The following HIVEP1 variants were observed in gnomAD, a reference collection of about 807,000 sequenced individuals.
HIVEP1 encodes zinc finger protein 40.
In HIVEP1, 36 loss-of-function variants were observed where a neutral mutation model predicts 180.0. The ratio of observed to expected loss-of-function variants is 0.20; its 90% confidence interval spans 0.15 to 0.26. HIVEP1 has a LOEUF of 0.26. Among genes scored for constraint, HIVEP1 ranks in the 10% least tolerant of loss-of-function variants. The pLI, the probability that HIVEP1 is intolerant of heterozygous loss-of-function variation, is 1.00. For synonymous variants in HIVEP1, 1,239 were observed against 1,239.0 expected (o/e 1.00, Z 0.00); for missense variants, 3,143 against 3,268.7 (o/e 0.96, Z 0.94).
intron 2 of HIVEP1, among the ~76,000 whole-genome samples, chr6:12,032,482 G>A (rs950657546): frequency 6.6e-6 from 1 of 152,078 alleles, no homozygotes; most frequent in Non-Finnish European, 1.5e-5. Context: ...CTGAAAGTGT[G>A]GTTTAGTGGG....
intron 3 of HIVEP1, among the ~76,000 whole-genome samples, chr6:12,115,350 CTTTT>C (rs34074662): frequency 3.3e-4 from 25 of 75,290 alleles, no homozygotes; most frequent in African/African-American, 1.0e-3. Flanking sequence ...CCCAACTATT[CTTTT>C]TTTTTTTTTT....
rs554092769 is a variant in HIVEP1, at chr6:12,095,349, T to C, written c.94+6112T>C. Among the ~76,000 whole-genome samples the C allele has an allele frequency of 2.6e-5, 4 of 152,096 alleles. No individual in the cohort carries two copies. The South Asian group carries it at 8.3e-4, about 32-fold the overall frequency. On this transcript the variant is annotated intron_variant, in intron 3 of 8. Transcript: ENST00000379388. ...ATGCTCATTCATTTTTAAGCCTTTA[T>C]TCTGCTCTATTGGAATCACTTAAAG...
chr6:12,144,430 G>A (rs535899218), intron 7 of HIVEP1, among the ~76,000 whole-genome samples: 1 of 152,254 alleles, frequency 6.6e-6, no homozygotes, highest in South Asian at 2.1e-4. Context: ...AAAAACCCTA[G>A]AAGAAAACCT....
In HIVEP1 at chr6:12,109,666, C is replaced by G. The variant is rs74420903; in HGVS notation, c.95-10224C>G. 6.4e-3 allele frequency among the ~76,000 whole-genome samples: 969 copies of G among 152,320 alleles called. 5 individuals carry two copies. The highest frequency in any genetic ancestry group is 9.1e-3 in the Non-Finnish European group (619 of 68,028). ...TCTCTTGCTGTTTCCACCACATCTG[C>G]GGGGACTTCCTCCACTGAAGTCTTG... On this transcript the variant is annotated intron_variant, in intron 3 of 8. Coordinates refer to ENST00000379388, the MANE Select transcript of HIVEP1 (RefSeq NM_002114.4).
At chr6:12,035,920 C>T (rs1315239768) in intron 2 of HIVEP1, among the ~76,000 whole-genome samples, 3 of 151,852 alleles carry the variant, frequency 2.0e-5, no homozygotes, top group South Asian at 2.1e-4. Context: ...TTTTCTAATA[C>T]GTAAGAAAAG....
rs991674597 is a variant in HIVEP1, at chr6:12,073,652, A to T, written c.41-15532A>T. On this transcript the variant is annotated intron_variant, in intron 2 of 8. Transcript: ENST00000379388. ...TGCCAGCTCTTGGTCACTCTCCAGC[A>T]CTTTCATTAAAAATATATATTTTCT... is the stretch of plus-strand genomic sequence containing the variant. Among the ~76,000 whole-genome samples the T allele has an allele frequency of 5.3e-5, 8 of 152,274 alleles. 1 individual carries two copies. The South Asian group carries it at 1.5e-3, about 28-fold the overall frequency.
At chr6:12,023,492 G>T (rs1236856641) in intron 2 of HIVEP1, among the ~76,000 whole-genome samples, 3 of 152,130 alleles carry the variant, frequency 2.0e-5, no homozygotes, top group African/African-American at 4.8e-5. Flanking sequence ...AAAAACAAAA[G>T]AAATTCTCTA....
At chr6:12,106,047 T>C (rs185419236) in intron 3 of HIVEP1, among the ~76,000 whole-genome samples, 230 of 151,524 alleles carry the variant, frequency 1.5e-3, no homozygotes, top group African/African-American at 5.0e-3. Context: ...TACATATATA[T>C]ACACACACAC....
downstream of HIVEP1, among the ~76,000 whole-genome samples, chr6:12,168,345 ATG>A (rs1305471985): frequency 0.012 from 1,659 of 137,446 alleles, 23 homozygotes; most frequent in Middle Eastern, 0.024. Flanking sequence ...TTATATATAC[ATG>A]TATATGTATA....
At chr6:12,017,044 G>A (rs1390956135) in intron 2 of HIVEP1, among the ~76,000 whole-genome samples, 2 of 152,186 alleles carry the variant, frequency 1.3e-5, no homozygotes, top group Non-Finnish European at 2.9e-5. Flanking sequence ...AGGAACGAGT[G>A]CATGATTGAT....
At chr6:12,018,303 C>T (rs983424737) in intron 2 of HIVEP1, among the ~76,000 whole-genome samples, 4 of 152,194 alleles carry the variant, frequency 2.6e-5, no homozygotes, top group African/African-American at 9.7e-5. Flanking sequence ...GGAGCCGGCT[C>T]TGGCCTGGGC....
In HIVEP1 at chr6:12,120,631, C is replaced by T; in HGVS notation, c.836C>T (p.Ser279Leu). The T allele has an allele frequency of 6.2e-7, 1 of 1,614,196 alleles. No homozygotes were observed. The highest frequency in any genetic ancestry group is 8.5e-7 in the Non-Finnish European group (1 of 1,180,024). Residue 279 changes from serine (S) to leucine (L), a missense_variant, in exon 4 of 9, where the codon TCA (serine) becomes TTA (leucine). Ser to Leu is a moderately radical substitution (Grantham distance 145). Coordinates refer to ENST00000379388, the MANE Select transcript of HIVEP1 (RefSeq NM_002114.4). ...AAGAATGAGCAAGGGGCAATGCAGT[C>T]AGCTTCTCATTTGTATCATCAACAT... Reference protein sequence around the residue: ...AQKNEQGAMQSASHLYHQHEH... With the variant: ...AQKNEQGAMQLASHLYHQHEH...
rs200286173 is a variant in HIVEP1 at position 12,120,916 on chromosome 6, A to G, written c.1121A>G (p.Tyr374Cys). 154 of 1,614,066 alleles carry G rather than the reference A, an allele frequency of 9.5e-5. No homozygotes were observed. Among genetic ancestry groups the G allele is most frequent in the East Asian group, 6.7e-4 (30 of 44,902 alleles). The change falls in exon 4 of 9, where the codon TAT becomes TGT. Residue 374 changes from tyrosine (Y) to cysteine (C), a missense_variant. Tyr to Cys is a radical substitution (Grantham distance 194, BLOSUM62 -2). Coordinates refer to ENST00000379388, the MANE Select transcript of HIVEP1 (RefSeq NM_002114.4). ...NSTQSPPMPI[Y>C]NSTHVASVVN... ...ACACAGTCGCCCCCCATGCCAATCT[A>G]TAATTCAACTCATGTTGCCTCTGTT...
intron 3 of HIVEP1, among the ~76,000 whole-genome samples, chr6:12,094,224 TC>T (rs1486186481): frequency 1.3e-5 from 2 of 152,046 alleles, no homozygotes; most frequent in African/African-American, 4.8e-5. Flanking sequence ...TTGGCTGGAT[TC>T]TCATTCATTA....
intron 7 of HIVEP1, among the ~76,000 whole-genome samples, chr6:12,153,789 G>T (rs1759850292): frequency 6.6e-6 from 1 of 152,024 alleles, no homozygotes; most frequent in Non-Finnish European, 1.5e-5. Context: ...TTGACTATGG[G>T]GCTAATAGGG....
At chr6:12,027,803 G>C (rs1000806313) in intron 2 of HIVEP1, among the ~76,000 whole-genome samples, 2 of 152,124 alleles carry the variant, frequency 1.3e-5, no homozygotes, top group African/African-American at 2.4e-5. Flanking sequence ...TTTGTCCTTA[G>C]GTTGTGGGAA....
At chr6:12,075,995 A>C (rs1772325701) in intron 2 of HIVEP1, among the ~76,000 whole-genome samples, 1 of 152,208 alleles carries the variant, frequency 6.6e-6, no homozygotes, top group Non-Finnish European at 1.5e-5. Flanking sequence ...CACCTGTTTT[A>C]TAAGTTGATG....
chr6:12,122,191 T>C lies in HIVEP1; in HGVS notation c.2396T>C (p.Val799Ala), dbSNP rs765201414. ...KDSFQFDLKP[V>A]GRRTSSSSDI... ...TCTTTCCAGTTTGATTTAAAACCAG[T>C]GGGACGGAGAACAAGTTCAAGCTCT... The change falls in exon 4 of 9, where the codon GTG (valine) becomes GCG (alanine). Residue 799 changes from valine to alanine, a missense_variant. Physicochemically the swap from Val to Ala is moderately conservative, Grantham distance 64 (BLOSUM62 0). Coordinates refer to ENST00000379388, the MANE Select transcript of HIVEP1 (RefSeq NM_002114.4). 2 of 1,614,202 alleles carry C rather than the reference T, an allele frequency of 1.2e-6. No homozygotes were observed. Among genetic ancestry groups the C allele is most frequent in the South Asian group, 2.2e-5 (2 of 91,084 alleles).
chr6:12,046,127 CTTGA>C (rs997939895), intron 2 of HIVEP1, among the ~76,000 whole-genome samples: 1 of 151,976 alleles, frequency 6.6e-6, no homozygotes, highest in Non-Finnish European at 1.5e-5. Context: ...AAAATTACAC[CTTGA>C]TTGTTTTAAG....
Sources: gnomAD v4.1 joint callset for allele counts (sites outside exome capture counted in the v4.1 genomes callset) on GRCh38, gnomAD v4.1.1 for gene constraint, MANE v1.5 for transcripts, NCBI Gene and HGNC (gene_info 2026-07-23, HGNC 2026-07-21) for gene names.